The following PLCG2 variants were observed in gnomAD, a reference collection of about 807,000 sequenced individuals.
PLCG2 encodes phospholipase C gamma 2.
A neutral mutation model predicts 175.6 loss-of-function variants in PLCG2; 69 were observed. The observed-to-expected ratio is 0.39, with a 90% CI of 0.32 to 0.48. The LOEUF (loss-of-function observed/expected upper bound fraction) is 0.48, where lower values mean the gene tolerates loss of function less well. Among genes scored for constraint, PLCG2 ranks in the 20% least tolerant of loss-of-function variants. The pLI is 0.91. For missense variants in PLCG2, 1,798 were observed against 1,650.9 expected, an observed-to-expected ratio of 1.09 and a Z score of -1.54; for synonymous variants, 827 against 624.0, an observed-to-expected ratio of 1.33 and a Z score of -4.85.
intron 1 of PLCG2, among the ~76,000 whole-genome samples, chr16:81,750,903 G>C (rs1325991556): frequency 1.3e-5 from 2 of 148,148 alleles, no homozygotes; most frequent in East Asian, 2.0e-4. Flanking sequence ...TCGATCTCCT[G>C]ACCTCAAGAT....
chr16:81,912,144 G>A (rs927254949), intron 18 of PLCG2, among the ~76,000 whole-genome samples: 5 of 151,842 alleles, frequency 3.3e-5, no homozygotes, highest in African/African-American at 7.3e-5. Flanking sequence ...TGTTGGTCAG[G>A]CTGGTCTTGA....
intron 24 of PLCG2, among the ~76,000 whole-genome samples, chr16:81,930,569 C>G (rs552535809): frequency 6.6e-6 from 1 of 151,858 alleles, no homozygotes; most frequent in African/African-American, 2.4e-5. Context: ...GGCAACATGG[C>G]GAAACCCCTC....
In PLCG2 at chr16:81,958,915, T is replaced by C. The variant is rs1241695535; in HGVS notation, c.*917T>C. On this transcript the variant is annotated 3_prime_UTR_variant, in exon 33 of 33. Coordinates refer to ENST00000564138, the MANE Select transcript of PLCG2 (RefSeq NM_002661.5). ...GAAATGTCTCTGGGTTACCCAGTCT[T>C]CTGGAGCAGCAAGCTGAGCTTTAAT... is the stretch of plus-strand genomic sequence containing the variant. 4.5e-6 allele frequency: 1 copy of C among 221,394 alleles called. No individual in the cohort carries two copies. The highest frequency in any genetic ancestry group is 6.6e-5 in the East Asian group (1 of 15,232). 13.7% of individuals were successfully genotyped at this position (221,394 alleles called of 1,614,324 possible).
chr16:81,883,093 G>A (rs1370299639), intron 8 of PLCG2, among the ~76,000 whole-genome samples, 176 bp from the exon 9 acceptor site: 3 of 152,104 alleles, frequency 2.0e-5, no homozygotes, highest in Non-Finnish European at 4.4e-5. Flanking sequence ...ATCCTTGTAG[G>A]TGAGGGACAT....
Position 81,908,499 on chromosome 16 carries a change from G to C in PLCG2, c.1641G>C (p.Leu547=), listed in dbSNP as rs765581772. ...VEKRTSAEKL[L]QEYCMETGGK... is the part of the protein sequence containing the mutation. The stretch of plus-strand genomic sequence containing the variant: ...AGAGGACGAGTGCCGAGAAGTTGCT[G>C]CAGGAATACTGCATGGAGACGGGGG... Residue 547 remains leucine (L), a synonymous_variant, in exon 17 of 33, where the codon CTG becomes CTC. Coordinates refer to ENST00000564138, the MANE Select transcript of PLCG2 (RefSeq NM_002661.5). 1.2e-6 allele frequency: 2 copies of C among 1,614,136 alleles called. No individual in the cohort carries two copies. Among genetic ancestry groups the C allele is most frequent in the Admixed American group, 3.3e-5 (2 of 60,028 alleles).
chr16:81,741,307 G>A (rs1362565741), intron 1 of PLCG2, among the ~76,000 whole-genome samples: 3 of 152,222 alleles, frequency 2.0e-5, no homozygotes, highest in Non-Finnish European at 4.4e-5. Context: ...GCTCAGAGAG[G>A]TAAAGTGACT....
intron 2 of PLCG2, among the ~76,000 whole-genome samples, chr16:81,851,736 T>A (rs1906423376): frequency 6.6e-6 from 1 of 152,192 alleles, no homozygotes; most frequent in African/African-American, 2.4e-5. Flanking sequence ...TGGTCTCGAA[T>A]TCCTGACCTC....
chr16:81,928,245 G>C (rs1355497024), intron 23 of PLCG2, among the ~76,000 whole-genome samples: 1 of 152,112 alleles, frequency 6.6e-6, no homozygotes, highest in East Asian at 1.9e-4. Context: ...AATAAGGTCA[G>C]ATAAATAGTC....
rs138699122 is a variant in PLCG2 at position 81,785,985 on chromosome 16, C to T, written c.-5C>T. 23 of 1,611,288 alleles carry T rather than the reference C, an allele frequency of 1.4e-5. No individual in the cohort carries two copies. Among genetic ancestry groups the T allele is most frequent in the African/African-American group, 1.2e-4 (9 of 74,922 alleles). ...ATTCCTTCCTTCTCCCTGGAGCGGC[C>T]GACAATGTCCACCACGGTCAATGTA... is the stretch of plus-strand genomic sequence containing the variant. On this transcript the variant is annotated 5_prime_UTR_variant, in exon 2 of 33. Transcript: ENST00000564138.
intron 31 of PLCG2, among the ~76,000 whole-genome samples, chr16:81,953,979 G>A (rs1412792073): frequency 1.3e-5 from 2 of 152,204 alleles, no homozygotes; most frequent in Non-Finnish European, 2.9e-5. Flanking sequence ...AAAAGGGAAA[G>A]AGAGACCTTT....
In PLCG2 at chr16:81,932,415, G is replaced by T. The variant is rs141827939; in HGVS notation, c.2739+761G>T. Among the ~76,000 whole-genome samples, 10 of 152,322 alleles carry T rather than the reference G, an allele frequency of 6.6e-5. No homozygotes were observed. The East Asian group carries it at 1.9e-3, about 29-fold the overall frequency. The stretch of plus-strand genomic sequence containing the variant: ...GTGCCACCCTGTCTTCGATGATGGA[G>T]TAAGGGCTGTCTGTTCTTGTGGCTG... On this transcript the variant is annotated intron_variant, in intron 25 of 32. Coordinates refer to ENST00000564138, the MANE Select transcript of PLCG2 (RefSeq NM_002661.5).
chr16:81,904,329 T>C (rs181129641), intron 14 of PLCG2, among the ~76,000 whole-genome samples: 85 of 152,270 alleles, frequency 5.6e-4, no homozygotes, highest in Non-Finnish European at 1.5e-4. Context: ...AGTAAGGTAA[T>C]AGGCCCTGAA....
chr16:81,790,019 G>A (rs1444785755), intron 2 of PLCG2, among the ~76,000 whole-genome samples: 1 of 152,260 alleles, frequency 6.6e-6, no homozygotes, highest in African/African-American at 2.4e-5. Context: ...GAGCTTTGCT[G>A]TGTGATCTTG....
intron 2 of PLCG2, among the ~76,000 whole-genome samples, chr16:81,770,462 C>T (rs569437267): frequency 4.6e-5 from 7 of 152,314 alleles, no homozygotes; most frequent in African/African-American, 1.7e-4. Context: ...CCTGTAATCC[C>T]AGCCCTTTGG....
intron 2 of PLCG2, among the ~76,000 whole-genome samples, chr16:81,799,476 G>A (rs1911623990): frequency 2.0e-5 from 3 of 152,160 alleles, no homozygotes; most frequent in South Asian, 4.1e-4. Flanking sequence ...CCAGGTTGGT[G>A]TGCAGTGGTG....
intron 2 of PLCG2, among the ~76,000 whole-genome samples, chr16:81,774,074 G>A (rs1182265733): frequency 6.8e-6 from 1 of 146,768 alleles, no homozygotes; most frequent in Non-Finnish European, 1.5e-5. Flanking sequence ...ACTTATGCCT[G>A]TAATCCTAGC....
At chr16:81,860,901 C>T (rs574232774) in intron 5 of PLCG2, among the ~76,000 whole-genome samples, 39 of 152,058 alleles carry the variant, frequency 2.6e-4, no homozygotes, top group African/African-American at 8.7e-4. Flanking sequence ...TGCTTGAACC[C>T]GGGAGGTGGA....
rs1467697867 is a variant in PLCG2, at chr16:81,744,599, G to GT, written c.-145+5217dup. ...GCTGGTGGGGATGATAAGGAGGCAA[G>GT]TTTGTTTTTTTTAAGATAGTCGTGC... is the stretch of plus-strand genomic sequence containing the variant. On this transcript the variant is annotated intron_variant, in intron 1 of 5. Transcript: ENST00000565054. Among the ~76,000 whole-genome samples, 167 of 41,248 alleles carry GT rather than the reference G, an allele frequency of 4.0e-3. 2 individuals are homozygous for GT. Among genetic ancestry groups the GT allele is most frequent in the African/African-American group, 5.4e-3 (161 of 29,870 alleles). 27.1% of individuals were successfully genotyped at this position (41,248 alleles called of 152,430 possible). A position where few individuals can be genotyped will look rare whatever the true frequency, so the allele number is the denominator to read the frequency against.
intron 30 of PLCG2, among the ~76,000 whole-genome samples, chr16:81,940,359 T>A (rs921078516): frequency 6.6e-6 from 1 of 152,176 alleles, no homozygotes; most frequent in Non-Finnish European, 1.5e-5. Flanking sequence ...ACATGCGGTT[T>A]GCTTCTCCCT....
Sources: gnomAD v4.1 joint callset for allele counts (sites outside exome capture counted in the v4.1 genomes callset) on GRCh38, gnomAD v4.1.1 for gene constraint, MANE v1.5 for transcripts, NCBI Gene and HGNC (gene_info 2026-07-23, HGNC 2026-07-21) for gene names.